The following PTPN14 variants were observed in gnomAD, a reference collection of about 807,000 sequenced individuals.
PTPN14 encodes tyrosine-protein phosphatase non-receptor type 14.
PTPN14 carries 53 observed loss-of-function variants against 126.8 expected under a neutral mutation model. That is an observed-to-expected ratio of 0.42 (90% CI 0.34 to 0.53). The LOEUF (loss-of-function observed/expected upper bound fraction) is 0.53. PTPN14 is among the 20% of genes least tolerant of loss of function. PTPN14 has a pLI of 0.08. For missense variants in PTPN14, 1,257 were observed against 1,552.9 expected (o/e 0.81, Z 3.20); for synonymous variants, 630 against 599.3 (o/e 1.05, Z -0.75).
intron 11 of PTPN14, among the ~76,000 whole-genome samples, chr1:214,387,610 G>A (rs3013443): frequency 0.11 from 16,129 of 151,360 alleles, 996 homozygotes; most frequent in South Asian, 0.17. Flanking sequence ...CCTGGGCGGC[G>A]GAGGTTGCAG....
chr1:214,412,621 C>T (rs1659332144), intron 4 of PTPN14, among the ~76,000 whole-genome samples: 1 of 152,196 alleles, frequency 6.6e-6, no homozygotes, highest in Non-Finnish European at 1.5e-5. Context: ...TCCACCACAA[C>T]TTATATTTCT....
At chr1:214,519,930 C>T (rs1655201665) in intron 1 of PTPN14, among the ~76,000 whole-genome samples, 1 of 151,264 alleles carries the variant, frequency 6.6e-6, no homozygotes. Context: ...GCCTATAGTA[C>T]CAGCTACTTG....
chr1:214,517,875 G>T (rs1296175360), intron 1 of PTPN14, among the ~76,000 whole-genome samples: 1 of 152,144 alleles, frequency 6.6e-6, no homozygotes, highest in Non-Finnish European at 1.5e-5. Flanking sequence ...AGCCTGGGAG[G>T]CAAGGGTTGC....
At chr1:214,539,556 T>C (rs1000807398) in intron 1 of PTPN14, among the ~76,000 whole-genome samples, 6 of 152,200 alleles carry the variant, frequency 3.9e-5, no homozygotes, top group African/African-American at 1.4e-4. Flanking sequence ...AAGATATTAA[T>C]GTTGAATACA....
At chr1:214,437,862 T>TA (rs1260975522) in intron 3 of PTPN14, among the ~76,000 whole-genome samples, 2 of 152,214 alleles carry the variant, frequency 1.3e-5, no homozygotes, top group Non-Finnish European at 2.9e-5. Context: ...GACATCAGGA[T>TA]ACAGTTGTCT....
chr1:214,482,678 A>G (rs1487396675), intron 1 of PTPN14: 1 of 887,702 alleles, frequency 1.1e-6, no homozygotes, highest in Admixed American at 2.8e-5. Flanking sequence ...CAACTTCTAT[A>G]TAGTACCTTG....
intron 12 of PTPN14, among the ~76,000 whole-genome samples, chr1:214,385,497 C>T (rs1041525572): frequency 4.5e-5 from 6 of 134,596 alleles, no homozygotes; most frequent in Non-Finnish European, 7.6e-5. Context: ...TCAGGCCCAA[C>T]CTGATTGATT....
At chr1:214,531,423 G>A (rs1488261939) in intron 1 of PTPN14, 5 of 151,538 alleles carry the variant, frequency 3.3e-5, no homozygotes. Flanking sequence ...CCAAATGAGG[G>A]AGGAGGCATT....
chr1:214,380,636 C>T (rs920970982), intron 13 of PTPN14, among the ~76,000 whole-genome samples: 7 of 152,168 alleles, frequency 4.6e-5, no homozygotes, highest in Non-Finnish European at 7.3e-5. Flanking sequence ...CTGCACACCC[C>T]GCCAGCCCCT....
In PTPN14 at chr1:214,364,562, C is replaced by T; in HGVS notation, c.3385G>A (p.Gly1129Ser). ...VHCSAGVGRT[G>S]VLILSELMIY... is the part of the protein sequence containing the mutation. ...ATCAGCTCAGAAAGAATGAGCACGCCGGTCCTTCCCACCCCAGCACTACAG... is the reference window on the plus strand; with the variant it reads ...ATCAGCTCAGAAAGAATGAGCACGCTGGTCCTTCCCACCCCAGCACTACAG... The change falls in exon 18 of 19, where the codon GGC (glycine) becomes AGC (serine). Residue 1129 changes from glycine to serine, a missense_variant. Transcript: ENST00000366956. This position sits in a 1 kb window ranked among gnomAD's most constrained non-coding sequence, Gnocchi z 4.1. 1.2e-6 allele frequency: 2 copies of T among 1,614,020 alleles called. No individual in the cohort carries two copies. Among genetic ancestry groups the T allele is most frequent in the Non-Finnish European group, 1.7e-6 (2 of 1,180,026 alleles).
At chr1:214,437,797 C>T (rs1558102281) in intron 3 of PTPN14, among the ~76,000 whole-genome samples, 1 of 152,188 alleles carries the variant, frequency 6.6e-6, no homozygotes, top group Admixed American at 6.5e-5. Flanking sequence ...CAAAATCCCC[C>T]CTGAGATTCT....
intron 7 of PTPN14, among the ~76,000 whole-genome samples, chr1:214,398,636 T>TTTTTTTTG (rs1553262256): frequency 1.3e-5 from 2 of 148,362 alleles, no homozygotes; most frequent in Non-Finnish European, 1.5e-5. Flanking sequence ...TTTTTTTTTT[T>TTTTTTTTG]ACAGACAGGG....
chr1:214,412,705 G>T (rs2102582190), intron 4 of PTPN14, among the ~76,000 whole-genome samples: 1 of 152,254 alleles, frequency 6.6e-6, no homozygotes, highest in African/African-American at 2.4e-5. Flanking sequence ...GTTAGAGAAG[G>T]TTTCATCAGA....
At position 214,383,891 on chromosome 1, in the gene PTPN14, G is replaced by A. The variant is rs373320359; in HGVS notation, c.1964C>T (p.Ala655Val). The A allele has an allele frequency of 2.5e-6, 4 of 1,613,300 alleles. No homozygotes were observed. Among genetic ancestry groups the A allele is most frequent in the Non-Finnish European group, 3.4e-6 (4 of 1,180,006 alleles). Reference protein sequence around the residue: ...VMNSMVRGMEAMTLKSLHLPM... With the variant: ...VMNSMVRGMEVMTLKSLHLPM... Reference sequence around the variant, plus strand: ...GAGGTGGAGCGACTTGAGCGTCATGGCCTCCATGCCCCGCACCATGCTGTT... The same window carrying A: ...GAGGTGGAGCGACTTGAGCGTCATGACCTCCATGCCCCGCACCATGCTGTT... Residue 655 changes from alanine to valine, a missense_variant, in exon 13 of 19, where the codon GCC becomes GTC. Coordinates refer to ENST00000366956, the MANE Select transcript of PTPN14 (RefSeq NM_005401.5). The surrounding 1 kb of genome is among the most constrained non-coding windows in gnomAD (Gnocchi z 4.4).
chr1:214,537,963 TTA>T (rs1655747403), intron 1 of PTPN14, among the ~76,000 whole-genome samples: 1 of 152,198 alleles, frequency 6.6e-6, no homozygotes, highest in Admixed American at 6.5e-5. Context: ...AAATAAAAAA[TTA>T]TGAGATATTT....
intron 17 of PTPN14, among the ~76,000 whole-genome samples, chr1:214,368,759 G>T (rs1658146227): frequency 6.6e-6 from 1 of 152,152 alleles, no homozygotes; most frequent in Admixed American, 6.5e-5. Context: ...GATGCGGGCA[G>T]ATCACTTGAG....
At chr1:214,469,259 C>T (rs1394728224) in intron 1 of PTPN14, among the ~76,000 whole-genome samples, 1 of 152,156 alleles carries the variant, frequency 6.6e-6, no homozygotes, top group Non-Finnish European at 1.5e-5. Context: ...CTCAAAAAAG[C>T]CATTGCACAT....
intron 1 of PTPN14, among the ~76,000 whole-genome samples, chr1:214,485,970 C>T (rs1338117753): frequency 6.6e-6 from 1 of 152,176 alleles, no homozygotes; most frequent in Non-Finnish European, 1.5e-5. Flanking sequence ...TCGTGATCCG[C>T]CCGCCTTGGC....
intron 1 of PTPN14, among the ~76,000 whole-genome samples, chr1:214,506,996 G>T (rs760610793): frequency 6.6e-6 from 1 of 150,972 alleles, no homozygotes; most frequent in Non-Finnish European, 1.5e-5. Flanking sequence ...ATGAAAATTC[G>T]ATAGCAATCA....
Sources: allele counts gnomAD v4.1 joint callset (sites outside exome capture counted in the v4.1 genomes callset), GRCh38; gene constraint gnomAD v4.1.1; non-coding constraint Gnocchi (gnomAD v3.1); transcripts MANE v1.5; gene names NCBI Gene and HGNC (gene_info 2026-07-23, HGNC 2026-07-21).